Variants in CSGALNACT1 observed in about 807,000 individuals in gnomAD.
CSGALNACT1 encodes the protein chondroitin sulfate N-acetylgalactosaminyltransferase 1.
Under a neutral mutation model 51.0 loss-of-function variants are expected in CSGALNACT1, and 52 were observed. The ratio of observed to expected loss-of-function variants is 1.02; its 90% CI spans 0.82 to 1.29. The LOEUF (loss-of-function observed/expected upper bound fraction) is 1.29. Ranked by LOEUF, CSGALNACT1 falls within the 50% of genes most tolerant of loss-of-function variation. The pLI, the probability that CSGALNACT1 is intolerant of heterozygous loss-of-function variation, is 0.00. For missense variants in CSGALNACT1, 935 were observed against 679.2 expected, an observed-to-expected ratio of 1.38 and a Z score of -4.19; for synonymous variants, 341 against 254.4, an observed-to-expected ratio of 1.34 and a Z score of -3.24.
At chr8:19,565,591 T>C (rs6980954) in intron 3 of CSGALNACT1, among the ~76,000 whole-genome samples, 4,585 of 152,272 alleles carry the variant, frequency 0.03, 224 homozygotes, top group African/African-American at 0.11. Context: ...TCATTGGTTG[T>C]ACTACTGAAA....
At chr8:19,529,145 G>C (rs2082266177) in intron 3 of CSGALNACT1, among the ~76,000 whole-genome samples, 1 of 152,192 alleles carries the variant, frequency 6.6e-6, no homozygotes, top group Admixed American at 6.5e-5. Flanking sequence ...GGTGAGTTGA[G>C]CAACGTGGGG....
chr8:19,494,105 TG>T (rs1350588655), intron 4 of CSGALNACT1, among the ~76,000 whole-genome samples: 1 of 152,210 alleles, frequency 6.6e-6, no homozygotes, highest in African/African-American at 2.4e-5. Flanking sequence ...GCACACAAAA[TG>T]CATAGTAATC....
intron 3 of CSGALNACT1, among the ~76,000 whole-genome samples, chr8:19,572,851 T>C (rs888940056): frequency 2.6e-5 from 4 of 152,246 alleles, no homozygotes; most frequent in African/African-American, 9.6e-5. Context: ...TTTTTCACTC[T>C]GTTCCAGTGA....
At chr8:19,444,733 G>C (rs916353016) in intron 5 of CSGALNACT1, among the ~76,000 whole-genome samples, 1 of 152,174 alleles carries the variant, frequency 6.6e-6, no homozygotes, top group African/African-American at 2.4e-5. Context: ...AGAAGACACG[G>C]TTCTTGCCCT....
chr8:19,630,027 G>A (rs924363735), intron 1 of CSGALNACT1, among the ~76,000 whole-genome samples: 6 of 152,184 alleles, frequency 3.9e-5, no homozygotes, highest in Admixed American at 1.3e-4. Flanking sequence ...TAGAATGAGT[G>A]TAGCCCCATG....
intron 3 of CSGALNACT1, among the ~76,000 whole-genome samples, chr8:19,522,674 G>C (rs970137891): frequency 1.3e-5 from 2 of 152,242 alleles, no homozygotes; most frequent in African/African-American, 2.4e-5. Context: ...ACACCTTGGT[G>C]AAGTTCTGAC....
chr8:19,625,239 G>A lies in CSGALNACT1; in HGVS notation c.-543-23374C>T, dbSNP rs200988279. On this transcript the variant is annotated intron_variant, in intron 1 of 9. Transcript: ENST00000332246. The stretch of plus-strand genomic sequence containing the variant: ...ATCACGCTGTTTCTTCCTCCAATAG[G>A]CATTAAACTGCAGTCTATTAAGGAG... Among the ~76,000 whole-genome samples the A allele has an allele frequency of 4.6e-5, 7 of 152,284 alleles. No homozygotes were observed. In the East Asian group the frequency reaches 9.6e-4, roughly 21 times the overall value.
chr8:19,506,429 G>T (rs140988100), intron 3 of CSGALNACT1, among the ~76,000 whole-genome samples: 1 of 152,282 alleles, frequency 6.6e-6, no homozygotes, highest in East Asian at 1.9e-4. Context: ...TTCTGTATCT[G>T]GTAATTTCTG....
chr8:19,489,608 C>T (rs1337595197), intron 4 of CSGALNACT1, among the ~76,000 whole-genome samples: 2 of 152,098 alleles, frequency 1.3e-5, no homozygotes, highest in Admixed American at 1.3e-4. Flanking sequence ...AGAAAGGGTC[C>T]CTCATTTAAG....
chr8:19,447,309 T>C (rs1419511047), intron 5 of CSGALNACT1, among the ~76,000 whole-genome samples: 2 of 152,136 alleles, frequency 1.3e-5, no homozygotes, highest in African/African-American at 2.4e-5. Flanking sequence ...GGGACTGGTA[T>C]GGCCAGGTGG....
At chr8:19,578,931 C>A (rs562935198) in intron 3 of CSGALNACT1, among the ~76,000 whole-genome samples, 1 of 152,254 alleles carries the variant, frequency 6.6e-6, no homozygotes, top group African/African-American at 2.4e-5. Flanking sequence ...GTTCTTGCTA[C>A]GTTGACCACG....
At chr8:19,472,063 G>A (rs1038932055) in intron 4 of CSGALNACT1, among the ~76,000 whole-genome samples, 3 of 152,192 alleles carry the variant, frequency 2.0e-5, no homozygotes, top group African/African-American at 7.2e-5. Flanking sequence ...CCAAGGGTTA[G>A]AAATTACACT....
chr8:19,458,492 A>T, exon 5 of CSGALNACT1: 1 of 1,614,204 alleles, frequency 6.2e-7, no homozygotes, highest in Non-Finnish European at 8.5e-7. Context: ...AACATTGATA[A>T]GCGTGTTGGC....
At chr8:19,473,531 T>G (rs1033180338) in intron 4 of CSGALNACT1, among the ~76,000 whole-genome samples, 1 of 152,212 alleles carries the variant, frequency 6.6e-6, no homozygotes, top group East Asian at 1.9e-4. Flanking sequence ...ACTTGCAGCC[T>G]AACCCTGGCT....
chr8:19,420,484 G>T, exon 7 of CSGALNACT1: 1 of 1,614,156 alleles, frequency 6.2e-7, no homozygotes, highest in Non-Finnish European at 8.5e-7. Flanking sequence ...TCTCCATTCA[G>T]CTGGATGAAG....
intron 1 of CSGALNACT1, among the ~76,000 whole-genome samples, chr8:19,662,703 G>C (rs997631865): frequency 2.6e-5 from 4 of 152,176 alleles, no homozygotes; most frequent in African/African-American, 7.2e-5. Context: ...AAATCTGAAA[G>C]ACATATTTGT....
intron 3 of CSGALNACT1, among the ~76,000 whole-genome samples, chr8:19,582,654 C>T (rs1261827690): frequency 6.6e-6 from 1 of 152,144 alleles, no homozygotes; most frequent in Non-Finnish European, 1.5e-5. Context: ...CATAGAGAGG[C>T]ATGCTCACTC....
exon 4 of CSGALNACT1, chr8:19,505,812 AGCC>A: frequency 6.2e-7 from 1 of 1,612,846 alleles, no homozygotes; most frequent in South Asian, 1.1e-5. Flanking sequence ...CCACGCAAGC[AGCC>A]CCCGGCGAAC....
intron 1 of CSGALNACT1, among the ~76,000 whole-genome samples, chr8:19,720,939 T>G (rs2063092686): frequency 6.6e-6 from 1 of 152,138 alleles, no homozygotes; most frequent in Non-Finnish European, 1.5e-5. Flanking sequence ...CCCTGAGACC[T>G]CAGATCTCAT....
Sources: gnomAD v4.1 joint callset for allele counts (sites outside exome capture counted in the v4.1 genomes callset) on GRCh38, gnomAD v4.1.1 for gene constraint, MANE v1.5 for transcripts, NCBI Gene and HGNC (gene_info 2026-07-23, HGNC 2026-07-21) for gene names.